The following OGDH variants were observed in gnomAD, a reference collection of about 807,000 sequenced individuals.
The protein encoded by OGDH is oxoglutarate dehydrogenase, also known as 2-oxoglutarate dehydrogenase complex component E1.
OGDH carries 38 observed loss-of-function variants against 116.6 expected under a neutral mutation model. That is an observed-to-expected ratio of 0.33 (90% CI 0.25 to 0.43). OGDH has a LOEUF of 0.43. Ranked by LOEUF, OGDH falls within the 20% of genes least tolerant of loss-of-function variation. OGDH has a pLI of 1.00. For synonymous variants in OGDH, 488 were observed against 533.3 expected (o/e 0.92, Z 1.17); for missense variants, 825 against 1,357.2 (o/e 0.61, Z 6.16).
intron 1 of OGDH, among the ~76,000 whole-genome samples, chr7:44,611,496 C>T (rs562926328): frequency 2.6e-5 from 4 of 151,518 alleles, no homozygotes; most frequent in Non-Finnish European, 4.4e-5. Flanking sequence ...AGGATGGTCT[C>T]GATCTCCTGA....
rs375926612 is a variant in OGDH at position 44,707,740 on chromosome 7, A to G, written c.2951+4A>G. On this transcript the variant is annotated splice_donor_region_variant and intron_variant, in intron 22 of 22. Coordinates refer to ENST00000222673, the MANE Select transcript of OGDH (RefSeq NM_002541.4). This position sits in a 1 kb window ranked among gnomAD's most constrained non-coding sequence, Gnocchi z 5.2. The stretch of plus-strand genomic sequence containing the variant: ...TCAGCCGCGCCAAGCCCGTCTGGTA[A>G]GGCTTCAGTCCCTGCCAGGAAGGCT... The G allele has an allele frequency of 6.7e-4, 1,079 of 1,614,120 alleles. No homozygotes were observed. Among genetic ancestry groups the G allele is most frequent in the Non-Finnish European group, 8.5e-4 (1,007 of 1,180,022 alleles).
chr7:44,647,544 A>T, intron 3 of OGDH, 113 bp from the exon 4 acceptor site: 1 of 1,547,588 alleles, frequency 6.5e-7, no homozygotes, highest in Non-Finnish European at 8.7e-7. Context: ...GGTGAGAATT[A>T]AGCTGTAAAT....
chr7:44,638,181 G>T (rs1785760141), intron 2 of OGDH, among the ~76,000 whole-genome samples: 1 of 152,182 alleles, frequency 6.6e-6, no homozygotes. Flanking sequence ...TACGTTATTA[G>T]TTGTGCAACA....
chr7:44,655,028 A>C (rs1786626619), intron 4 of OGDH, among the ~76,000 whole-genome samples: 1 of 152,138 alleles, frequency 6.6e-6, no homozygotes, highest in Admixed American at 6.5e-5. Flanking sequence ...TTTGCCTTTT[A>C]TTTTAAAAAT....
At chr7:44,627,526 A>C (rs532950846) in intron 2 of OGDH, among the ~76,000 whole-genome samples, 40 of 152,358 alleles carry the variant, frequency 2.6e-4, no homozygotes, top group Admixed American at 9.1e-4. Flanking sequence ...TTTAAACATC[A>C]GAAATGTCCT....
rs1361215368 is a variant in OGDH at position 44,673,888 on chromosome 7, G to A, written c.735G>A (p.Gln245=). ...RQKFETPGIM[Q]FTNEEKRTLL... ...AGTTTGAGACCCCTGGGATCATGCA[G>A]TTCACAAATGAGGAGAAACGGACCC... is the stretch of plus-strand genomic sequence containing the variant. The change falls in exon 6 of 23, where the codon CAG becomes CAA. Residue 245 remains glutamine, a synonymous_variant. Coordinates refer to ENST00000222673, the MANE Select transcript of OGDH (RefSeq NM_002541.4). 1 of 1,614,248 alleles carries A rather than the reference G, an allele frequency of 6.2e-7. No homozygotes were observed.
chr7:44,684,487 A>G (rs1480237191), intron 10 of OGDH, among the ~76,000 whole-genome samples: 1 of 152,198 alleles, frequency 6.6e-6, no homozygotes, highest in Non-Finnish European at 1.5e-5. Context: ...GTGCAAATAT[A>G]ACACACAATA....
intron 1 of OGDH, among the ~76,000 whole-genome samples, chr7:44,622,470 T>C (rs765365909): frequency 2.0e-5 from 3 of 152,208 alleles, no homozygotes; most frequent in Non-Finnish European, 2.9e-5. Context: ...TCAGTTTGTT[T>C]TTAAAGAATA....
intron 10 of OGDH, among the ~76,000 whole-genome samples, chr7:44,686,636 A>AGACT (rs201910302): frequency 0.063 from 9,514 of 151,514 alleles, 368 homozygotes; most frequent in Middle Eastern, 0.097. Flanking sequence ...CACCACTGAA[A>AGACT]GACTTCTGGG....
At chr7:44,691,981 TAAAAAAAAAAA>T (rs371665967) in intron 10 of OGDH, among the ~76,000 whole-genome samples, 8 of 102,634 alleles carry the variant, frequency 7.8e-5, no homozygotes, top group African/African-American at 4.4e-5. Context: ...GACTCTGTCT[TAAAAAAAAAAA>T]AAAAAAAAAA....
intron 10 of OGDH, among the ~76,000 whole-genome samples, chr7:44,685,411 C>G (rs776970031): frequency 4.6e-5 from 7 of 152,190 alleles, no homozygotes; most frequent in Non-Finnish European, 1.0e-4. Flanking sequence ...GCAGAATGTC[C>G]TCAAGGTCCA....
At chr7:44,684,541 A>G (rs1286878934) in intron 10 of OGDH, among the ~76,000 whole-genome samples, 1 of 152,124 alleles carries the variant, frequency 6.6e-6, no homozygotes, top group Non-Finnish European at 1.5e-5. Flanking sequence ...CCAGATGCTG[A>G]ATTAGGTACT....
chr7:44,693,733 A>G lies in OGDH; in HGVS notation c.1336-92A>G, dbSNP rs1788461650. 3.5e-6 allele frequency: 4 copies of G among 1,149,310 alleles called. No individual in the cohort carries two copies. The Middle Eastern group carries it at 6.3e-4, about 180-fold the overall frequency. 71.2% of individuals were successfully genotyped at this position (1,149,310 alleles called of 1,614,324 possible). A position where few individuals can be genotyped will look rare whatever the true frequency, so the allele number is the denominator to read the frequency against. Reference sequence around the variant, plus strand: ...TACGTACTCAGAGTAGCCAGATGGCAAGTGCATGCCATGCCCGGCCTCAGC... The same window carrying G: ...TACGTACTCAGAGTAGCCAGATGGCGAGTGCATGCCATGCCCGGCCTCAGC... On this transcript the variant is annotated intron_variant, in intron 10 of 22. Coordinates refer to ENST00000222673, the MANE Select transcript of OGDH (RefSeq NM_002541.4).
chr7:44,613,101 C>A (rs949850958), intron 1 of OGDH, among the ~76,000 whole-genome samples: 1 of 151,990 alleles, frequency 6.6e-6, no homozygotes, highest in Admixed American at 6.6e-5. Context: ...TGGTCTCGAT[C>A]TCCTGACCTC....
chr7:44,676,081 G>A lies in OGDH; in HGVS notation c.1138G>A (p.Ala380Thr), dbSNP rs1372430879. 1.2e-6 allele frequency: 2 copies of A among 1,613,980 alleles called. No individual in the cohort carries two copies. Among genetic ancestry groups the A allele is most frequent in the Non-Finnish European group, 8.5e-7 (1 of 1,179,996 alleles). ...LVANPSHLEA[A>T]DPVVMGKTKA... is the part of the protein sequence containing the mutation. ...GGCCAACCCTTCCCACCTTGAGGCC[G>A]CTGACCCCGTGGTGATGGGCAAGAC... Residue 380 changes from alanine to threonine, a missense_variant, in exon 9 of 23, where the codon GCT becomes ACT. Ala to Thr is a moderately conservative substitution (Grantham distance 58, BLOSUM62 0). Around this residue, in one of 7 missense-constraint regions of OGDH, gnomAD observed 146 missense variants for 317.3 expected, o/e 0.46. Transcript: ENST00000222673.
chr7:44,690,880 A>G (rs960432744), intron 10 of OGDH, among the ~76,000 whole-genome samples: 2 of 152,326 alleles, frequency 1.3e-5, no homozygotes, highest in Middle Eastern at 6.8e-3. Flanking sequence ...GCTGGCTTCA[A>G]TACCAGCTGA....
At chr7:44,634,342 G>A (rs868436600) in intron 2 of OGDH, among the ~76,000 whole-genome samples, 4 of 152,318 alleles carry the variant, frequency 2.6e-5, no homozygotes, top group Middle Eastern at 3.4e-3. Context: ...AGGGACATCC[G>A]TTTGGGGAGA....
At chr7:44,670,767 T>C (rs545415403) in intron 5 of OGDH, among the ~76,000 whole-genome samples, 2 of 152,056 alleles carry the variant, frequency 1.3e-5, no homozygotes, top group Non-Finnish European at 1.5e-5. Flanking sequence ...TCCCAGCACT[T>C]TGGGAGGCCA....
chr7:44,635,311 A>G (rs1785615620), intron 2 of OGDH, among the ~76,000 whole-genome samples: 1 of 152,184 alleles, frequency 6.6e-6, no homozygotes, highest in Non-Finnish European at 1.5e-5. Flanking sequence ...ATTAAAAAGC[A>G]TTGTCAGTGT....
Sources: allele counts gnomAD v4.1 joint callset (sites outside exome capture counted in the v4.1 genomes callset), GRCh38; gene constraint gnomAD v4.1.1; regional missense constraint gnomAD v4.1.1; non-coding constraint Gnocchi (gnomAD v3.1); transcripts MANE v1.5; gene names NCBI Gene and HGNC (gene_info 2026-07-23, HGNC 2026-07-21).